Variants in GPR89B observed in about 807,000 individuals in gnomAD.
GPR89B encodes the protein G protein-coupled receptor 89B.
In GPR89B, 25 loss-of-function variants were observed where a neutral mutation model predicts 52.4. The ratio of observed to expected loss-of-function variants is 0.48; its 90% CI spans 0.35 to 0.67. The LOEUF (loss-of-function observed/expected upper bound fraction) is 0.67. Among genes scored for constraint, GPR89B ranks in the 30% least tolerant of loss-of-function variants. GPR89B has a pLI of 0.01. For missense variants in GPR89B, 146 were observed against 450.2 expected (o/e 0.32, Z 6.11); for synonymous variants, 52 against 151.2 (o/e 0.34, Z 4.81).
intron 10 of GPR89B, among the ~76,000 whole-genome samples, chr1:147,972,198 G>C (rs1293596108): frequency 6.7e-6 from 1 of 149,620 alleles, no homozygotes; most frequent in East Asian, 1.9e-4. Context: ...TGGTTTGGAC[G>C]TGCCACAATT....
chr1:147,998,598 G>A, the GPR89B span, among the ~76,000 whole-genome samples: 9,410 of 151,966 alleles, frequency 0.062, 389 homozygotes, highest in East Asian at 0.15. Flanking sequence ...TTGAGATTTT[G>A]GCCGGGCTTG....
At chr1:147,933,732 T>C (rs1653841243) in intron 1 of GPR89B, among the ~76,000 whole-genome samples, 2 of 151,772 alleles carry the variant, frequency 1.3e-5, no homozygotes, top group South Asian at 4.2e-4. Context: ...TTTTCTCCTC[T>C]TCTGTCACCA....
chr1:148,008,226 G>A, the GPR89B span, among the ~76,000 whole-genome samples: 1 of 152,188 alleles, frequency 6.6e-6, no homozygotes, highest in Non-Finnish European at 1.5e-5. Flanking sequence ...TTATATATTT[G>A]TCATGAAGAG....
At chr1:147,983,536 C>T (rs1379106112) in intron 10 of GPR89B, among the ~76,000 whole-genome samples, 1 of 152,310 alleles carries the variant, frequency 6.6e-6, no homozygotes, top group South Asian at 2.1e-4. Context: ...AGACACTTCT[C>T]AAAAGAAGAC....
intron 10 of GPR89B, among the ~76,000 whole-genome samples, chr1:147,981,775 C>A (rs2149088787): frequency 6.6e-6 from 1 of 151,688 alleles, no homozygotes; most frequent in East Asian, 2.0e-4. Context: ...GCCTCAGCCG[C>A]CTGAGTAGCT....
intron 2 of GPR89B, among the ~76,000 whole-genome samples, chr1:147,937,328 C>A (rs1654174323): frequency 6.6e-6 from 1 of 152,040 alleles, no homozygotes; most frequent in Admixed American, 6.6e-5. Context: ...GCAGTAAAAT[C>A]ACAAAGCAGA....
At chr1:147,999,630 A>C in the GPR89B span, among the ~76,000 whole-genome samples, 13 of 150,146 alleles carry the variant, frequency 8.7e-5, no homozygotes, top group Non-Finnish European at 1.6e-4. Flanking sequence ...TCCTTCTTAC[A>C]TGTAATAGCC....
intron 10 of GPR89B, among the ~76,000 whole-genome samples, chr1:147,978,739 G>T (rs1658024233): frequency 6.6e-6 from 1 of 151,968 alleles, no homozygotes; most frequent in African/African-American, 2.4e-5. Context: ...CCCACCTAAA[G>T]AAGCGGTCTG....
intron 5 of GPR89B, among the ~76,000 whole-genome samples, chr1:147,945,324 A>G (rs1553249606): frequency 1.4e-5 from 2 of 146,440 alleles, no homozygotes; most frequent in Non-Finnish European, 3.0e-5. Context: ...GGCTTTCTAA[A>G]CTCTGTAGTA....
At chr1:147,947,650 A>G (rs1179472181) in intron 5 of GPR89B, among the ~76,000 whole-genome samples, 3 of 152,076 alleles carry the variant, frequency 2.0e-5, no homozygotes, top group Non-Finnish European at 4.4e-5. Context: ...AGAAAAAGAT[A>G]TGTAATAAAA....
At chr1:148,005,458 C>G in the GPR89B span, 1 of 1,572,826 alleles carries the variant, frequency 6.4e-7, no homozygotes, top group Non-Finnish European at 8.7e-7. Context: ...AACTCCAGCT[C>G]TCATAGCCAC....
At position 147,993,461 on chromosome 1, in the gene GPR89B, G is replaced by A. The variant is rs1198473981; in HGVS notation, c.*544G>A. ...TCCTGCCCCATTAAAATAACCAAGA[G>A]GTTATCTGTTCTTTTCCGGGAAAGG... On this transcript the variant is annotated 3_prime_UTR_variant, in exon 14 of 14. Coordinates refer to ENST00000314163, the MANE Select transcript of GPR89B (RefSeq NM_016334.5). 1.5e-4 allele frequency: 27 copies of A among 185,718 alleles called. No individual in the cohort carries two copies. Among genetic ancestry groups the A allele is most frequent in the Non-Finnish European group, 2.3e-5 (2 of 87,988 alleles). 11.5% of individuals were successfully genotyped at this position (185,718 alleles called of 1,614,324 possible).
chr1:147,928,637 C>G (rs1571205607), intron 1 of GPR89B, 59 bp downstream of exon 1: 11 of 1,608,292 alleles, frequency 6.8e-6, no homozygotes, highest in Middle Eastern at 1.7e-4. Context: ...ATCGCCCTCT[C>G]CGGTCCTCCG....
At chr1:147,981,711 G>T (rs1346334824) in intron 10 of GPR89B, among the ~76,000 whole-genome samples, 1 of 151,752 alleles carries the variant, frequency 6.6e-6, no homozygotes, top group East Asian at 1.9e-4. Flanking sequence ...GGAGTGCAGT[G>T]GGGTGATCTC....
chr1:147,971,454 G>C (rs1404192280), intron 10 of GPR89B, among the ~76,000 whole-genome samples: 2 of 147,374 alleles, frequency 1.4e-5, no homozygotes, highest in African/African-American at 2.5e-5. Flanking sequence ...CCCGGCCTAG[G>C]GAAGCATGTC....
At chr1:147,997,616 C>T (rs1371715531), downstream of GPR89B, among the ~76,000 whole-genome samples, 27 of 152,304 alleles carry the variant, frequency 1.8e-4, no homozygotes, top group Admixed American at 4.6e-4. Context: ...GACAGCCTGT[C>T]GTGGGGCTTC....
the GPR89B span, chr1:148,012,047 T>G: frequency 3.0e-4 from 45 of 152,250 alleles, no homozygotes; most frequent in African/African-American, 1.0e-3. Context: ...AGTTTTTTTT[T>G]CTTTGCGTTT....
intron 3 of GPR89B, among the ~76,000 whole-genome samples, chr1:147,939,030 C>T (rs1389673874): frequency 5.6e-5 from 7 of 126,114 alleles, no homozygotes; most frequent in African/African-American, 1.9e-4. Context: ...AAGATCTGAC[C>T]GTTAACTCTG....
chr1:148,010,597 C>T, the GPR89B span: 4 of 152,314 alleles, frequency 2.6e-5, no homozygotes, highest in African/African-American at 9.7e-5. Flanking sequence ...CCCTAAATCT[C>T]CAGCTCCTGG....
Sources: allele counts gnomAD v4.1 joint callset (sites outside exome capture counted in the v4.1 genomes callset), GRCh38; gene constraint gnomAD v4.1.1; transcripts MANE v1.5; gene names NCBI Gene and HGNC (gene_info 2026-07-23, HGNC 2026-07-21).